PTGFRN: variants seen among roughly 807,000 people sequenced by gnomAD.
The protein encoded by PTGFRN is prostaglandin F2 receptor inhibitor, also known as prostaglandin F2 receptor negative regulator.
In PTGFRN, 35 loss-of-function variants were observed where a neutral mutation model predicts 83.2. The ratio of observed to expected loss-of-function variants is 0.42; its 90% CI spans 0.32 to 0.56. The LOEUF is 0.56. PTGFRN is among the 20% of genes least tolerant of loss of function. PTGFRN has a pLI of 0.11. For missense variants in PTGFRN, 1,051 were observed against 1,179.5 expected, an observed-to-expected ratio of 0.89 and a Z score of 1.60; for synonymous variants, 519 against 498.6, an observed-to-expected ratio of 1.04 and a Z score of -0.55.
intron 5 of PTGFRN, among the ~76,000 whole-genome samples, chr1:116,962,963 G>A (rs777390250): frequency 6.6e-6 from 1 of 152,158 alleles, no homozygotes; most frequent in South Asian, 2.1e-4. Flanking sequence ...GTAGGGGTAA[G>A]TTATGTGGTC....
Position 116,941,619 on chromosome 1 carries a change from C to T in PTGFRN, c.50-96C>T. The T allele has an allele frequency of 6.8e-7, 1 of 1,471,728 alleles. No homozygotes were observed. Among genetic ancestry groups the T allele is most frequent in the Non-Finnish European group, 9.1e-7 (1 of 1,102,472 alleles). 91.2% of individuals were successfully genotyped at this position (1,471,728 alleles called of 1,614,324 possible). On this transcript the variant is annotated intron_variant, in intron 1 of 8. Coordinates refer to ENST00000393203, the MANE Select transcript of PTGFRN (RefSeq NM_020440.4). This position sits in a 1 kb window ranked among gnomAD's most constrained non-coding sequence, Gnocchi z 5.0. The stretch of plus-strand genomic sequence containing the variant: ...AGTAGTTTGGCTGTCACGTTTCTGC[C>T]ATGCCTGTGAGCAGGAGCATCCACA...
At chr1:116,962,392 C>G (rs1240342357) in intron 5 of PTGFRN, 1 of 152,236 alleles carries the variant, frequency 6.6e-6, no homozygotes, top group African/African-American at 2.4e-5. Flanking sequence ...TTCTCCCATC[C>G]AGATACTAAC....
chr1:116,925,435 G>GA (rs112765095), intron 1 of PTGFRN, among the ~76,000 whole-genome samples: 24,488 of 146,416 alleles, frequency 0.17, 4,219 homozygotes, highest in African/African-American at 0.44. Context: ...TCAAAAAAAA[G>GA]AAAAAAAAAA....
chr1:116,936,155 A>G (rs951826297), intron 1 of PTGFRN, among the ~76,000 whole-genome samples: 4 of 152,212 alleles, frequency 2.6e-5, no homozygotes, highest in African/African-American at 7.2e-5. Context: ...ACATGTGGCT[A>G]TGTAGATATT....
chr1:116,979,892 G>A (rs530798115), intron 7 of PTGFRN, among the ~76,000 whole-genome samples: 1 of 152,328 alleles, frequency 6.6e-6, no homozygotes, highest in Admixed American at 6.5e-5. Context: ...AAACTAAAGA[G>A]CTTCTGCACA....
chr1:116,916,272 C>T (rs746456227), intron 1 of PTGFRN, among the ~76,000 whole-genome samples: 3 of 152,140 alleles, frequency 2.0e-5, no homozygotes, highest in Non-Finnish European at 1.5e-5. Context: ...GAGAAGAACC[C>T]GTGGCTACTG....
At chr1:116,955,817 G>A (rs1173999560) in intron 4 of PTGFRN, among the ~76,000 whole-genome samples, 1 of 152,228 alleles carries the variant, frequency 6.6e-6, no homozygotes, top group African/African-American at 2.4e-5. Flanking sequence ...GAGTCCTGTG[G>A]AAAGCCCATA....
At chr1:116,920,923 C>T (rs1249593189) in intron 1 of PTGFRN, among the ~76,000 whole-genome samples, 1 of 152,132 alleles carries the variant, frequency 6.6e-6, no homozygotes, top group African/African-American at 2.4e-5. Context: ...CATGTCTAGC[C>T]GAAGAGTTGA....
At position 116,910,081 on chromosome 1, in the gene PTGFRN, G is replaced by T. The variant is rs768841566; in HGVS notation, c.-123G>T. The T allele has an allele frequency of 3.2e-5, 34 of 1,072,560 alleles. No individual in the cohort carries two copies. Among genetic ancestry groups the T allele is most frequent in the Middle Eastern group, 2.9e-4 (1 of 3,454 alleles). The allele number at this position is 1,072,560 out of a possible 1,614,324, so 66.4% of individuals were successfully genotyped here. On this transcript the variant is annotated 5_prime_UTR_variant, in exon 1 of 9. Coordinates refer to ENST00000393203, the MANE Select transcript of PTGFRN (RefSeq NM_020440.4). Reference sequence around the variant, plus strand: ...GGATTTATCGGCTCGCGAGGAGAGCGGAGCAGGCGCGCGGCCCAGGCGGAG... The same window carrying T: ...GGATTTATCGGCTCGCGAGGAGAGCTGAGCAGGCGCGCGGCCCAGGCGGAG...
chr1:116,910,931 T>C (rs1382060750), intron 1 of PTGFRN, among the ~76,000 whole-genome samples: 4 of 152,120 alleles, frequency 2.6e-5, no homozygotes, highest in African/African-American at 9.7e-5. Context: ...TCTCCAACTT[T>C]TTCTACCTGT....
At position 116,961,460 on chromosome 1, in the gene PTGFRN, G is replaced by C; in HGVS notation, c.1431G>C (p.Glu477Asp). The change falls in exon 5 of 9, where the codon GAG becomes GAC. Residue 477 changes from glutamate to aspartate, a missense_variant. Physicochemically the swap from Glu to Asp is conservative, Grantham distance 45. Transcript: ENST00000393203. The surrounding 1 kb of genome is among the most constrained non-coding windows in gnomAD (Gnocchi z 5.4). ...GGGACTGGACGCTAAAATATGGAGA[G>C]AGGAGCAAGCAGCGGGCCCAGGATG... ...MDGDWTLKYGERSKQRAQDGD... is the reference protein window; with the variant it reads ...MDGDWTLKYGDRSKQRAQDGD... 1 of 1,614,202 alleles carries C rather than the reference G, an allele frequency of 6.2e-7. No individual in the cohort carries two copies. Among genetic ancestry groups the C allele is most frequent in the South Asian group, 1.1e-5 (1 of 91,078 alleles).
At position 116,987,049 on chromosome 1, in the gene PTGFRN, T is replaced by C; in HGVS notation, c.*82T>C. ...AGGACAGTGATATTTTAAAACAAAG[T>C]GTGTTACACTAAAAACCAGTCCTCT... On this transcript the variant is annotated 3_prime_UTR_variant, in exon 9 of 9. Transcript: ENST00000393203. 6.5e-7 allele frequency: 1 copy of C among 1,526,732 alleles called. No homozygotes were observed. Among genetic ancestry groups the C allele is most frequent in the Non-Finnish European group, 8.9e-7 (1 of 1,118,872 alleles). 94.6% of individuals were successfully genotyped at this position (1,526,732 alleles called of 1,614,324 possible).
rs752305820 is a variant in PTGFRN, at chr1:116,958,469, C to G, written c.1214-2774C>G. ...GACAGGGCTCCGTTCCCATCTGCCA[C>G]TTTTGAACTGTGTGGCCAAGTCACT... On this transcript the variant is annotated intron_variant, in intron 4 of 8. Coordinates refer to ENST00000393203, the MANE Select transcript of PTGFRN (RefSeq NM_020440.4). This position sits in a 1 kb window ranked among gnomAD's most constrained non-coding sequence, Gnocchi z 4.9. Among the ~76,000 whole-genome samples the G allele has an allele frequency of 5.3e-5, 8 of 152,190 alleles. No individual in the cohort carries two copies. Among genetic ancestry groups the G allele is most frequent in the Admixed American group, 2.0e-4 (3 of 15,280 alleles).
At chr1:116,912,402 T>C (rs1329918251) in intron 1 of PTGFRN, among the ~76,000 whole-genome samples, 3 of 152,242 alleles carry the variant, frequency 2.0e-5, no homozygotes, top group Non-Finnish European at 4.4e-5. Flanking sequence ...TACTGATCCC[T>C]GAAATGTAAT....
chr1:116,911,781 T>TA (rs1320536219), intron 1 of PTGFRN, among the ~76,000 whole-genome samples: 3 of 152,208 alleles, frequency 2.0e-5, no homozygotes, highest in East Asian at 3.8e-4. Flanking sequence ...GTGCTGGAAT[T>TA]ACAGGCATGC....
rs1451456484 is a variant in PTGFRN at position 116,958,487 on chromosome 1, A to G, written c.1214-2756A>G. 6.6e-6 allele frequency among the ~76,000 whole-genome samples: 1 copy of G among 152,208 alleles called. No individual in the cohort carries two copies. The highest frequency in any genetic ancestry group is 1.5e-5 in the Non-Finnish European group (1 of 68,032). ...TCTGCCACTTTTGAACTGTGTGGCC[A>G]AGTCACTAACTTCTTTAAAGCTCTC... On this transcript the variant is annotated intron_variant, in intron 4 of 8. Coordinates refer to ENST00000393203, the MANE Select transcript of PTGFRN (RefSeq NM_020440.4). The surrounding 1 kb of genome is among the most constrained non-coding windows in gnomAD (Gnocchi z 4.9).
At chr1:116,931,661 G>C (rs1649807132) in intron 1 of PTGFRN, among the ~76,000 whole-genome samples, 1 of 152,080 alleles carries the variant, frequency 6.6e-6, no homozygotes, top group South Asian at 2.1e-4. Flanking sequence ...GGACTGTCTA[G>C]ATGAAAGTTG....
chr1:116,944,975 T>C lies in PTGFRN; in HGVS notation c.715T>C (p.Ser239Pro), dbSNP rs1249940727. ...CCGCCTCTCAGTGTCCCGGGCTCTG[T>C]CTGCCGACCAGGGCTCCTACAGGTG... ...AYRLSVSRAL[S>P]ADQGSYRCIV... Residue 239 changes from serine to proline, a missense_variant, in exon 3 of 9, where the codon TCT becomes CCT. Physicochemically the swap from Ser to Pro is moderately conservative, Grantham distance 74 (BLOSUM62 -1). Transcript: ENST00000393203. 2 of 1,613,824 alleles carry C rather than the reference T, an allele frequency of 1.2e-6. No individual in the cohort carries two copies. The highest frequency in any genetic ancestry group is 2.2e-5 in the East Asian group (1 of 44,880).
In PTGFRN at chr1:116,943,276, A is replaced by G. The variant is rs187360546; in HGVS notation, c.418+1193A>G. Among the ~76,000 whole-genome samples the G allele has an allele frequency of 5.1e-4, 77 of 152,336 alleles. 1 individual carries two copies. The highest frequency in any genetic ancestry group is 1.8e-3 in the African/African-American group (75 of 41,578). On this transcript the variant is annotated intron_variant, in intron 2 of 8. Coordinates refer to ENST00000393203, the MANE Select transcript of PTGFRN (RefSeq NM_020440.4). ...ACCTCTTTATTCCTATAGAAAATTCAGAACATGTTATTTAGAAAAAGACAC... is the reference window on the plus strand; with the variant it reads ...ACCTCTTTATTCCTATAGAAAATTCGGAACATGTTATTTAGAAAAAGACAC...
Sources: gnomAD v4.1 joint callset for allele counts (sites outside exome capture counted in the v4.1 genomes callset) on GRCh38, gnomAD v4.1.1 for gene constraint, Gnocchi (gnomAD v3.1) non-coding constraint, MANE v1.5 for transcripts, NCBI Gene and HGNC (gene_info 2026-07-23, HGNC 2026-07-21) for gene names.